The following PLCB4 variants were observed in gnomAD, a reference collection of about 807,000 sequenced individuals.
The protein encoded by PLCB4 is phospholipase C beta 4.
PLCB4 carries 77 observed loss-of-function variants against 178.8 expected under a neutral mutation model. That is an observed-to-expected ratio of 0.43 (90% CI 0.36 to 0.52). PLCB4 has a LOEUF of 0.52. Ranked by LOEUF, PLCB4 falls within the 20% of genes least tolerant of loss-of-function variation. PLCB4 has a pLI of 0.00. For synonymous variants in PLCB4, 496 were observed against 490.8 expected, an observed-to-expected ratio of 1.01 and a Z score of -0.14; for missense variants, 1,024 against 1,453.4, an observed-to-expected ratio of 0.70 and a Z score of 4.80.
chr20:9,098,465 T>C (rs2146612356), intron 2 of PLCB4, among the ~76,000 whole-genome samples: 1 of 151,850 alleles, frequency 6.6e-6, no homozygotes, highest in African/African-American at 2.4e-5. Flanking sequence ...GAATAAAAAC[T>C]CACATATCTG....
chr20:9,423,111 TG>T, intron 27 of PLCB4, among the ~76,000 whole-genome samples: 1 of 152,332 alleles, frequency 6.6e-6, no homozygotes, highest in Non-Finnish European at 1.5e-5. Context: ...CAGGAGTAGG[TG>T]TCTTAGAATC....
chr20:9,085,860 C>T (rs2090386371), intron 1 of PLCB4, among the ~76,000 whole-genome samples: 1 of 152,184 alleles, frequency 6.6e-6, no homozygotes, highest in African/African-American at 2.4e-5. Context: ...CTTAGAAGCA[C>T]AGACTTACCC....
At chr20:9,451,124 G>A (rs1369410896) in intron 32 of PLCB4, among the ~76,000 whole-genome samples, 1 of 152,140 alleles carries the variant, frequency 6.6e-6, no homozygotes, top group Non-Finnish European at 1.5e-5. Flanking sequence ...CTTTGTACCA[G>A]GCTTTGTGCC....
At chr20:9,268,626 A>G (rs779008384) in intron 3 of PLCB4, among the ~76,000 whole-genome samples, 25 of 152,152 alleles carry the variant, frequency 1.6e-4, no homozygotes, top group Non-Finnish European at 3.1e-4. Context: ...GATAAACATC[A>G]GTGCCCTCTT....
intron 4 of PLCB4, among the ~76,000 whole-genome samples, chr20:9,336,097 C>T (rs1323288961): frequency 1.3e-5 from 2 of 151,906 alleles, no homozygotes; most frequent in Non-Finnish European, 2.9e-5. Flanking sequence ...TAAGGCACTG[C>T]CTTGATCCAT....
At chr20:9,394,655 T>C (rs1476798707) in intron 18 of PLCB4, among the ~76,000 whole-genome samples, 3 of 152,230 alleles carry the variant, frequency 2.0e-5, no homozygotes. Context: ...TTTTCACTAC[T>C]ATAAACATGC....
chr20:9,267,317 A>C (rs763510868), intron 3 of PLCB4, among the ~76,000 whole-genome samples: 2 of 152,156 alleles, frequency 1.3e-5, no homozygotes, highest in Non-Finnish European at 2.9e-5. Flanking sequence ...TATAAGCTAC[A>C]TTTGCTGTGT....
chr20:9,113,544 A>C (rs1226336333), intron 2 of PLCB4, among the ~76,000 whole-genome samples: 3 of 152,220 alleles, frequency 2.0e-5, no homozygotes, highest in Non-Finnish European at 4.4e-5. Flanking sequence ...GAATTGGTGT[A>C]CTGGGGAAGA....
chr20:9,365,542 G>T, intron 9 of PLCB4, 28 bp downstream of exon 9: 1 of 1,433,720 alleles, frequency 7.0e-7, no homozygotes, highest in Non-Finnish European at 9.8e-7. Flanking sequence ...TCTGCTGTCC[G>T]TGTCCCGGGT....
intron 2 of PLCB4, among the ~76,000 whole-genome samples, chr20:9,202,271 T>C (rs989821744): frequency 2.6e-5 from 4 of 152,158 alleles, no homozygotes; most frequent in African/African-American, 9.7e-5. Context: ...TTTGAAGTAA[T>C]AGAATTGTTT....
At chr20:9,105,954 A>G (rs2091346869) in intron 2 of PLCB4, among the ~76,000 whole-genome samples, 1 of 152,128 alleles carries the variant, frequency 6.6e-6, no homozygotes. Context: ...GTGACTACAT[A>G]TACATATGTT....
At chr20:9,371,514 C>T (rs1470832132) in intron 10 of PLCB4, among the ~76,000 whole-genome samples, 2 of 151,728 alleles carry the variant, frequency 1.3e-5, no homozygotes, top group African/African-American at 4.8e-5. Context: ...CTTTTGTTGC[C>T]TGGGCATTTT....
chr20:9,252,920 A>G (rs1423860322), intron 3 of PLCB4, among the ~76,000 whole-genome samples: 3 of 152,114 alleles, frequency 2.0e-5, no homozygotes, highest in African/African-American at 7.2e-5. Flanking sequence ...TTTAGACAGG[A>G]GTGACACCAC....
intron 3 of PLCB4, among the ~76,000 whole-genome samples, chr20:9,261,518 A>G (rs1329270285): frequency 5.3e-5 from 8 of 152,186 alleles, no homozygotes; most frequent in Admixed American, 5.2e-4. Flanking sequence ...AATGTTCTTC[A>G]TAAGCATAGT....
chr20:9,417,217 A>AT (rs987735130), intron 25 of PLCB4, among the ~76,000 whole-genome samples: 6 of 151,804 alleles, frequency 4.0e-5, no homozygotes, highest in African/African-American at 7.3e-5. Flanking sequence ...TAATTTTTTA[A>AT]TTTTTTTTAA....
chr20:9,298,858 T>C (rs1184468089), intron 3 of PLCB4, among the ~76,000 whole-genome samples: 3 of 152,080 alleles, frequency 2.0e-5, no homozygotes, highest in Non-Finnish European at 1.5e-5. Context: ...TCCTGTGCAA[T>C]TTGTGTTCTT....
At chr20:9,153,928 A>G (rs965830560) in intron 2 of PLCB4, among the ~76,000 whole-genome samples, 1 of 152,168 alleles carries the variant, frequency 6.6e-6, no homozygotes. Flanking sequence ...ATTTCTTTTT[A>G]TTGAAATAAA....
rs539742720 is a variant in PLCB4 at position 9,347,469 on chromosome 20, A to G, written c.369+8432A>G. Among the ~76,000 whole-genome samples the G allele has an allele frequency of 3.3e-5, 5 of 152,328 alleles. No homozygotes were observed. The South Asian group carries it at 1.0e-3, about 32-fold the overall frequency. The stretch of plus-strand genomic sequence containing the variant: ...CACACTTGCACTAAAGTGAATGCTA[A>G]TATTGACTTATTGTGTTCACCTTAT... On this transcript the variant is annotated intron_variant, in intron 7 of 39. Transcript: ENST00000378473.
At chr20:9,343,547 T>C (rs1345722826) in intron 7 of PLCB4, among the ~76,000 whole-genome samples, 1 of 152,212 alleles carries the variant, frequency 6.6e-6, no homozygotes, top group Non-Finnish European at 1.5e-5. Flanking sequence ...ATGATTGTGC[T>C]TTTTTCAGTA....
Sources: gnomAD v4.1 joint callset for allele counts (sites outside exome capture counted in the v4.1 genomes callset) on GRCh38, gnomAD v4.1.1 for gene constraint, MANE v1.5 for transcripts, NCBI Gene and HGNC (gene_info 2026-07-23, HGNC 2026-07-21) for gene names.